The following AUTS2 variants were observed in gnomAD, a reference collection of about 807,000 sequenced individuals.
AUTS2 encodes the protein activator of transcription and developmental regulator AUTS2.
AUTS2 carries 17 observed loss-of-function variants against 112.4 expected under a neutral mutation model. That is an observed-to-expected ratio of 0.15 (90% CI 0.10 to 0.23). AUTS2 has a LOEUF of 0.23. Ranked by LOEUF, AUTS2 falls within the 10% of genes least tolerant of loss-of-function variation. The probability of loss-of-function intolerance (pLI) is 1.00; values close to 1 mark genes in which losing one functional copy is unlikely to be tolerated. For missense variants in AUTS2, 1,510 were observed against 1,701.6 expected, an observed-to-expected ratio of 0.89 and a Z score of 1.98; for synonymous variants, 751 against 702.7, an observed-to-expected ratio of 1.07 and a Z score of -1.09.
At chr7:70,249,925 TA>T (rs1423528335) in intron 4 of AUTS2, among the ~76,000 whole-genome samples, 2 of 150,190 alleles carry the variant, frequency 1.3e-5, no homozygotes, top group Non-Finnish European at 3.0e-5. Flanking sequence ...ATTTTACTTT[TA>T]AAATATTAAT....
At chr7:70,432,043 CTT>C (rs1795693863) in intron 4 of AUTS2, among the ~76,000 whole-genome samples, 2 of 152,310 alleles carry the variant, frequency 1.3e-5, no homozygotes, top group South Asian at 2.1e-4. Context: ...CTTTTTGTCT[CTT>C]TTCATTTCTT....
At chr7:70,506,817 G>A (rs1798983143) in intron 5 of AUTS2, among the ~76,000 whole-genome samples, 1 of 152,170 alleles carries the variant, frequency 6.6e-6, no homozygotes, top group African/African-American at 2.4e-5. Context: ...TTATCTATAT[G>A]GGGGAAATTA....
intron 1 of AUTS2, among the ~76,000 whole-genome samples, chr7:69,893,953 G>T (rs111551307): frequency 6.6e-6 from 1 of 152,110 alleles, no homozygotes; most frequent in Non-Finnish European, 1.5e-5. Context: ...GAGCAAGATC[G>T]CCTATTTTGA....
At chr7:70,098,836 G>A (rs1015175898) in intron 2 of AUTS2, among the ~76,000 whole-genome samples, 1 of 151,746 alleles carries the variant, frequency 6.6e-6, no homozygotes, top group Non-Finnish European at 1.5e-5. Context: ...CCGAGTAGCT[G>A]GGATTACAAG....
chr7:69,622,045 G>A (rs934045897), intron 1 of AUTS2, among the ~76,000 whole-genome samples: 2 of 152,028 alleles, frequency 1.3e-5, no homozygotes, highest in African/African-American at 4.8e-5. Flanking sequence ...TTCACAAGAG[G>A]GTAGAAAGAA....
chr7:69,828,387 C>T (rs1791349531), intron 1 of AUTS2, among the ~76,000 whole-genome samples: 1 of 152,124 alleles, frequency 6.6e-6, no homozygotes, highest in South Asian at 2.1e-4. Flanking sequence ...GAACCGTGAG[C>T]CAGCGTAAGA....
chr7:70,345,702 T>C (rs948678754), intron 4 of AUTS2, among the ~76,000 whole-genome samples: 1 of 152,214 alleles, frequency 6.6e-6, no homozygotes, highest in Admixed American at 6.5e-5. Flanking sequence ...CCCCTTAGTA[T>C]GCATCATGAG....
At chr7:70,382,225 T>C (rs1793399878) in intron 4 of AUTS2, among the ~76,000 whole-genome samples, 1 of 152,322 alleles carries the variant, frequency 6.6e-6, no homozygotes. Context: ...GTCAACCAAT[T>C]TGAAAAACTC....
At chr7:69,609,115 G>C (rs1260241924) in intron 1 of AUTS2, among the ~76,000 whole-genome samples, 1 of 152,186 alleles carries the variant, frequency 6.6e-6, no homozygotes, top group African/African-American at 2.4e-5. Flanking sequence ...GCCCACAGGG[G>C]TTAATTGACC....
intron 2 of AUTS2, among the ~76,000 whole-genome samples, chr7:70,072,094 C>T (rs888123002): frequency 1.3e-5 from 2 of 152,188 alleles, no homozygotes; most frequent in Non-Finnish European, 2.9e-5. Context: ...CATGATTTTA[C>T]GGTTACAAAT....
intron 5 of AUTS2, among the ~76,000 whole-genome samples, chr7:70,507,666 G>A (rs62455780): frequency 0.12 from 17,874 of 151,434 alleles, 1,476 homozygotes; most frequent in Non-Finnish European, 0.15. Context: ...GTATGGTGAC[G>A]GGCACCTGTA....
At chr7:69,799,704 A>G (rs144470628) in intron 1 of AUTS2, among the ~76,000 whole-genome samples, 10 of 152,232 alleles carry the variant, frequency 6.6e-5, no homozygotes, top group Admixed American at 3.9e-4. Flanking sequence ...GGCATTCTCT[A>G]TGTGGTTTTT....
chr7:69,874,521 G>A (rs1413762139), intron 1 of AUTS2, among the ~76,000 whole-genome samples: 1 of 152,152 alleles, frequency 6.6e-6, no homozygotes, highest in African/African-American at 2.4e-5. Context: ...GAGGCCACTT[G>A]GGATGTTGTT....
chr7:70,147,649 A>G (rs1029109903), intron 4 of AUTS2, among the ~76,000 whole-genome samples: 1 of 152,152 alleles, frequency 6.6e-6, no homozygotes, highest in African/African-American at 2.4e-5. Flanking sequence ...ATTTGGCCTG[A>G]TCATTTACAC....
chr7:69,613,979 C>T (rs1793182604), intron 1 of AUTS2, among the ~76,000 whole-genome samples: 1 of 152,110 alleles, frequency 6.6e-6, no homozygotes, highest in Non-Finnish European at 1.5e-5. Context: ...TTTCCCATTC[C>T]ACCCTGTTAA....
At position 70,254,578 on chromosome 7, in the gene AUTS2, C is replaced by T. The variant is rs543161227; in HGVS notation, c.660+120007C>T. On this transcript the variant is annotated intron_variant, in intron 4 of 18. Coordinates refer to ENST00000342771, the MANE Select transcript of AUTS2 (RefSeq NM_015570.4). Reference sequence around the variant, plus strand: ...ACTGCTTGCTATCCCAAACACTGTCCGTTTGTACATGTTCCAATGTCACCA... The same window carrying T: ...ACTGCTTGCTATCCCAAACACTGTCTGTTTGTACATGTTCCAATGTCACCA... Among the ~76,000 whole-genome samples, 126 of 152,260 alleles carry T rather than the reference C, an allele frequency of 8.3e-4. 5 individuals are homozygous for T. In the South Asian group the frequency reaches 0.018, roughly 22 times the overall value.
chr7:70,286,767 C>A, intron 4 of AUTS2, among the ~76,000 whole-genome samples: 1 of 152,072 alleles, frequency 6.6e-6, no homozygotes, highest in East Asian at 1.9e-4. Context: ...AAATCTTTTT[C>A]ATGGAATTTT....
intron 5 of AUTS2, among the ~76,000 whole-genome samples, chr7:70,498,944 C>T (rs1270556263): frequency 6.6e-6 from 1 of 152,102 alleles, no homozygotes; most frequent in Non-Finnish European, 1.5e-5. Context: ...CAGGGCAGCC[C>T]CAAGGCATGG....
intron 4 of AUTS2, among the ~76,000 whole-genome samples, chr7:70,187,365 A>G (rs750711254): frequency 6.6e-6 from 1 of 152,216 alleles, no homozygotes; most frequent in African/African-American, 2.4e-5. Flanking sequence ...AATTAGGTAT[A>G]TATGTAAATA....
Sources: allele counts gnomAD v4.1 joint callset (sites outside exome capture counted in the v4.1 genomes callset), GRCh38; gene constraint gnomAD v4.1.1; transcripts MANE v1.5; gene names NCBI Gene and HGNC (gene_info 2026-07-23, HGNC 2026-07-21).